Variants in TENM2 observed in about 807,000 individuals in gnomAD.
The protein encoded by TENM2 is teneurin transmembrane protein 2.
A neutral mutation model predicts 245.2 loss-of-function variants in TENM2; 52 were observed. That is an observed-to-expected ratio of 0.21 (90% CI 0.17 to 0.27). TENM2 has a LOEUF of 0.27. Ranked by LOEUF, TENM2 falls within the 10% of genes least tolerant of loss-of-function variation. TENM2 has a pLI of 1.00. For missense variants in TENM2, 3,046 were observed against 3,666.8 expected (o/e 0.83, Z 4.37); for synonymous variants, 1,363 against 1,438.9 (o/e 0.95, Z 1.19).
the TENM2 span, among the ~76,000 whole-genome samples, chr5:167,054,082 T>C: frequency 3.3e-5 from 5 of 152,168 alleles, no homozygotes; most frequent in Non-Finnish European, 5.9e-5. Context: ...GGGTCCACTC[T>C]TGGTGTTGCA....
chr5:167,813,542 G>A (rs1426676520), intron 2 of TENM2, among the ~76,000 whole-genome samples: 1 of 152,062 alleles, frequency 6.6e-6, no homozygotes, highest in African/African-American at 2.4e-5. Flanking sequence ...TTGCAACTGT[G>A]GCAGCATTTT....
rs1755590108 is a variant in TENM2, at chr5:167,666,565, G to T, written c.503-209421G>T. Among the ~76,000 whole-genome samples, 4 of 152,096 alleles carry T rather than the reference G, an allele frequency of 2.6e-5. No homozygotes were observed. The South Asian group carries it at 8.3e-4, about 32-fold the overall frequency. ...CTAATATTAAATATTAATATTTTTAGAATTATTTGAGAGTTGGCTGAGATC... is the reference window on the plus strand; with the variant it reads ...CTAATATTAAATATTAATATTTTTATAATTATTTGAGAGTTGGCTGAGATC... On this transcript the variant is annotated intron_variant, in intron 2 of 28. Coordinates refer to ENST00000518659, the Ensembl canonical transcript of TENM2.
At chr5:168,171,122 C>T (rs1758782258) in intron 13 of TENM2, among the ~76,000 whole-genome samples, 1 of 152,246 alleles carries the variant, frequency 6.6e-6, no homozygotes, top group African/African-American at 2.4e-5. Flanking sequence ...CAGTTCTCAG[C>T]TCAAATGCCT....
At chr5:167,082,983 G>A in the TENM2 span, among the ~76,000 whole-genome samples, 1 of 151,820 alleles carries the variant, frequency 6.6e-6, no homozygotes, top group Non-Finnish European at 1.5e-5. Flanking sequence ...CTGGAAAGAC[G>A]GTTGGGAAAT....
chr5:167,450,016 T>C (rs1765480746), intron 2 of TENM2, among the ~76,000 whole-genome samples: 2 of 151,994 alleles, frequency 1.3e-5, no homozygotes, highest in East Asian at 3.9e-4. Context: ...AGGTATACAG[T>C]TGGTGGGTGG....
the TENM2 span, among the ~76,000 whole-genome samples, chr5:167,072,348 T>TATTA: frequency 2.6e-5 from 4 of 152,334 alleles, no homozygotes; most frequent in East Asian, 7.7e-4. Context: ...AGGAGGAACT[T>TATTA]AGTGAGTCAC....
At chr5:167,295,060 C>T (rs1457358857) in intron 1 of TENM2, among the ~76,000 whole-genome samples, 2 of 152,156 alleles carry the variant, frequency 1.3e-5, no homozygotes, top group African/African-American at 4.8e-5. Flanking sequence ...TTCTATGACT[C>T]CTATGAATAG....
exon 21 of TENM2, chr5:168,215,040 C>A: frequency 6.2e-7 from 1 of 1,613,558 alleles, no homozygotes; most frequent in Non-Finnish European, 8.5e-7. Flanking sequence ...TCTACTAAAG[C>A]AACAACCCAG....
chr5:168,241,018 G>A (rs961286538), intron 25 of TENM2: 3 of 152,154 alleles, frequency 2.0e-5, no homozygotes, highest in Admixed American at 6.5e-5. Flanking sequence ...ACCACTGTGT[G>A]TTTTGCTCTG....
intron 9 of TENM2, among the ~76,000 whole-genome samples, chr5:168,113,084 A>T (rs1200301985): frequency 6.6e-6 from 1 of 152,316 alleles, no homozygotes; most frequent in East Asian, 1.9e-4. Context: ...TGGGAGGCTG[A>T]GGCAGGAGGA....
the TENM2 span, among the ~76,000 whole-genome samples, chr5:167,270,438 A>AT: frequency 6.6e-6 from 1 of 152,136 alleles, no homozygotes; most frequent in South Asian, 2.1e-4. Context: ...CATCCTCATA[A>AT]TGCCTTCAAG....
At chr5:167,131,443 T>C in the TENM2 span, among the ~76,000 whole-genome samples, 1 of 152,190 alleles carries the variant, frequency 6.6e-6, no homozygotes, top group Non-Finnish European at 1.5e-5. Flanking sequence ...ATCCCTTTGA[T>C]GGAGCCTAGG....
chr5:167,416,288 C>T (rs532231988), intron 2 of TENM2, among the ~76,000 whole-genome samples: 63 of 152,190 alleles, frequency 4.1e-4, no homozygotes, highest in South Asian at 1.9e-3. Flanking sequence ...CTGAAGATAA[C>T]GTTACTTTGG....
chr5:167,374,993 C>A (rs1760660228), intron 1 of TENM2, among the ~76,000 whole-genome samples: 1 of 152,078 alleles, frequency 6.6e-6, no homozygotes, highest in Non-Finnish European at 1.5e-5. Flanking sequence ...GTCCTATCAT[C>A]GATATTTACT....
At chr5:168,100,963 T>C (rs1793767870) in intron 9 of TENM2, among the ~76,000 whole-genome samples, 1 of 148,832 alleles carries the variant, frequency 6.7e-6, no homozygotes, top group Non-Finnish European at 1.5e-5. Flanking sequence ...GCCCGACAGC[T>C]CTCAGGGCTC....
intron 3 of TENM2, among the ~76,000 whole-genome samples, chr5:167,917,604 T>A (rs1192088909): frequency 1.3e-5 from 2 of 152,138 alleles, no homozygotes; most frequent in Non-Finnish European, 2.9e-5. Context: ...GTCTAAGTCT[T>A]AGGGTCCTTG....
chr5:167,373,642 AAACTGC>A (rs1581873040), intron 1 of TENM2, among the ~76,000 whole-genome samples: 2 of 152,208 alleles, frequency 1.3e-5, no homozygotes, highest in East Asian at 3.9e-4. Flanking sequence ...ACAAATAAAT[AAACTGC>A]ACCAAAATGT....
chr5:168,090,338 T>C (rs986327663), intron 7 of TENM2, among the ~76,000 whole-genome samples: 1 of 151,486 alleles, frequency 6.6e-6, no homozygotes, highest in Non-Finnish European at 1.5e-5. Flanking sequence ...AGACAAGAGA[T>C]TGTGGCCTAG....
the TENM2 span, among the ~76,000 whole-genome samples, chr5:166,980,523 C>A: frequency 5.9e-5 from 9 of 152,136 alleles, no homozygotes; most frequent in African/African-American, 1.7e-4. Flanking sequence ...GCATTCATAT[C>A]ATTTAAAGTT....
Sources: allele counts gnomAD v4.1 joint callset (sites outside exome capture counted in the v4.1 genomes callset), GRCh38; gene constraint gnomAD v4.1.1; transcripts MANE v1.5; gene names NCBI Gene and HGNC (gene_info 2026-07-23, HGNC 2026-07-21).